FMO3: variants seen among roughly 807,000 people sequenced by gnomAD.
The protein encoded by FMO3 is flavin-containing monooxygenase 3.
In FMO3, 40 loss-of-function variants were observed where a neutral mutation model predicts 39.4. The observed-to-expected ratio is 1.02, with a 90% CI of 0.79 to 1.32. The LOEUF (loss-of-function observed/expected upper bound fraction) is 1.32, where lower values mean the gene tolerates loss of function less well. Among genes scored for constraint, FMO3 ranks in the 40% most tolerant of loss-of-function variants. FMO3 has a pLI of 0.00. For synonymous variants in FMO3, 219 were observed against 228.8 expected (o/e 0.96, Z 0.39); for missense variants, 680 against 651.8 (o/e 1.04, Z -0.47).
At chr1:171,102,838 T>C (rs1655466667) in intron 2 of FMO3, among the ~76,000 whole-genome samples, 1 of 152,118 alleles carries the variant, frequency 6.6e-6, no homozygotes, top group African/African-American at 2.4e-5. Flanking sequence ...AGTTCTATAA[T>C]TCCTTAGAGT....
intron 3 of FMO3, among the ~76,000 whole-genome samples, chr1:171,104,962 A>G (rs1031322362): frequency 6.6e-6 from 1 of 152,198 alleles, no homozygotes; most frequent in Non-Finnish European, 1.5e-5. Flanking sequence ...TGCGAAGGAA[A>G]GGATAGACAA....
At chr1:171,109,872 T>C (rs958681383) in intron 5 of FMO3, among the ~76,000 whole-genome samples, 5 of 152,124 alleles carry the variant, frequency 3.3e-5, no homozygotes, top group African/African-American at 1.2e-4. Flanking sequence ...TAGTTCCTCT[T>C]ATAACAAATG....
chr1:171,095,919 T>TAATATAA (rs1297708997), intron 2 of FMO3, among the ~76,000 whole-genome samples: 6 of 95,808 alleles, frequency 6.3e-5, no homozygotes, highest in Admixed American at 1.7e-4. Context: ...TAAATATATA[T>TAATATAA]TTATATAATT....
chr1:171,096,131 TAA>T (rs1655021765), intron 2 of FMO3, among the ~76,000 whole-genome samples: 2 of 67,208 alleles, frequency 3.0e-5, no homozygotes, highest in Non-Finnish European at 5.3e-5. Context: ...AATAATATAG[TAA>T]TTATTATATA....
intron 5 of FMO3, among the ~76,000 whole-genome samples, chr1:171,109,526 C>CAT: frequency 1.7e-5 from 1 of 58,994 alleles, no homozygotes; most frequent in Non-Finnish European, 2.9e-5. Context: ...TTAGTCTCTT[C>CAT]TTTTTTTTTT....
chr1:171,096,013 ATAT>A (rs552418876), intron 2 of FMO3, among the ~76,000 whole-genome samples: 6,053 of 54,032 alleles, frequency 0.11, 441 homozygotes, highest in African/African-American at 0.13. Flanking sequence ...ATTAATATAC[ATAT>A]TATATATTAA....
intron 5 of FMO3, among the ~76,000 whole-genome samples, chr1:171,110,052 C>T (rs1655838295): frequency 6.6e-6 from 1 of 152,118 alleles, no homozygotes; most frequent in African/African-American, 2.4e-5. Flanking sequence ...TTTATCACAT[C>T]GAATTAACGC....
chr1:171,111,078 A>C, intron 6 of FMO3, 81 bp downstream of exon 6: 1 of 1,072,486 alleles, frequency 9.3e-7, no homozygotes. Flanking sequence ...AGCCCAAAAC[A>C]AATCAAAGTA....
At chr1:171,092,509 G>A in intron 1 of FMO3, 144 bp from the exon 2 acceptor site, 1 of 908,672 alleles carries the variant, frequency 1.1e-6, no homozygotes, top group East Asian at 2.8e-5. Flanking sequence ...GGGATTACAG[G>A]CGTGAGCTAC....
At chr1:171,096,073 A>AAATATAATGTATATTAT (rs1557933394) in intron 2 of FMO3, among the ~76,000 whole-genome samples, 3 of 60,996 alleles carry the variant, frequency 4.9e-5, no homozygotes, top group South Asian at 1.2e-3. Context: ...ATTATATATT[A>AAATATAATGTATATTAT]ATATATAATA....
At position 171,107,974 on chromosome 1, in the gene FMO3, A is replaced by T. The variant is rs1016191453; in HGVS notation, c.485-105A>T. ...ATATCTAATATGCTTGGTGTGTTAAAATAGCACATTATTGTGACTGCATCT... is the reference window on the plus strand; with the variant it reads ...ATATCTAATATGCTTGGTGTGTTAATATAGCACATTATTGTGACTGCATCT... On this transcript the variant is annotated intron_variant, in intron 4 of 8. Transcript: ENST00000367755. The T allele has an allele frequency of 9.3e-6, 13 of 1,403,518 alleles. No individual in the cohort carries two copies. In the African/African-American group the frequency reaches 1.9e-4, roughly 20 times the overall value. 86.9% of individuals were successfully genotyped at this position (1,403,518 alleles called of 1,614,324 possible).
chr1:171,096,088 TTAA>T (rs1394322546), intron 2 of FMO3, among the ~76,000 whole-genome samples: 9 of 80,578 alleles, frequency 1.1e-4, no homozygotes, highest in Non-Finnish European at 1.7e-4. Flanking sequence ...ATAATATATA[TTAA>T]TATTTTTATA....
At chr1:171,116,311 G>T in intron 8 of FMO3, 31 bp downstream of exon 8, 1 of 1,162,808 alleles carries the variant, frequency 8.6e-7, no homozygotes, top group East Asian at 2.4e-5. Flanking sequence ...AGGAGTGTAG[G>T]ATTTCCATAG....
At position 171,117,429 on chromosome 1, in the gene FMO3, T is replaced by C. The variant is rs1382007699; in HGVS notation, c.1586T>C (p.Leu529Pro). 2 of 1,613,412 alleles carry C rather than the reference T, an allele frequency of 1.2e-6. No homozygotes were observed. Among genetic ancestry groups the C allele is most frequent in the Admixed American group, 3.3e-5 (2 of 59,966 alleles). ...CCTATTCTGTTAATCGCTGTTTTCC[T>C]TGTGTTGACCTAATCATCATTTTCT... ...AIPILLIAVFLVLT is the reference protein window; with the variant it reads ...AIPILLIAVFPVLT Residue 529 changes from leucine (L) to proline (P), a missense_variant, in exon 9 of 9, where the codon CTT becomes CCT. Leu to Pro is a moderately conservative substitution (Grantham distance 98). Transcript: ENST00000367755.
intron 3 of FMO3, among the ~76,000 whole-genome samples, chr1:171,104,739 T>G (rs1655562738): frequency 6.6e-6 from 1 of 152,056 alleles, no homozygotes; most frequent in Non-Finnish European, 1.5e-5. Flanking sequence ...CTGGATGTGG[T>G]GGCACATGCC....
At chr1:171,116,447 C>T (rs894577155) in intron 8 of FMO3, among the ~76,000 whole-genome samples, 167 bp downstream of exon 8, 1 of 152,180 alleles carries the variant, frequency 6.6e-6, no homozygotes, top group African/African-American at 2.4e-5. Flanking sequence ...ACCTACGTTG[C>T]TTCTGACATT....
At chr1:171,115,344 C>T (rs1290297845) in intron 7 of FMO3, among the ~76,000 whole-genome samples, 6 of 152,118 alleles carry the variant, frequency 3.9e-5, no homozygotes, top group Admixed American at 3.9e-4. Flanking sequence ...GGGCTAGTTA[C>T]AAGCAACCCA....
At chr1:171,096,069 TATTAATATATAA>T (rs1459958285) in intron 2 of FMO3, among the ~76,000 whole-genome samples, 1 of 65,960 alleles carries the variant, frequency 1.5e-5, no homozygotes, top group African/African-American at 7.9e-5. Flanking sequence ...ATATATTATA[TATTAATATATAA>T]TATATATTAA....
At chr1:171,096,837 T>C (rs1655116573) in intron 2 of FMO3, among the ~76,000 whole-genome samples, 1 of 145,988 alleles carries the variant, frequency 6.8e-6, no homozygotes, top group African/African-American at 2.5e-5. Context: ...ATGTGCACAA[T>C]GTGCAGGTTT....
Sources: gnomAD v4.1 joint callset for allele counts (sites outside exome capture counted in the v4.1 genomes callset) on GRCh38, gnomAD v4.1.1 for gene constraint, MANE v1.5 for transcripts, NCBI Gene and HGNC (gene_info 2026-07-23, HGNC 2026-07-21) for gene names.